Variants in COL5A2 observed in about 807,000 individuals in gnomAD.
The protein encoded by COL5A2 is collagen type V alpha 2 chain, also known as collagen alpha-2(V) chain.
COL5A2 carries 23 observed loss-of-function variants against 208.2 expected under a neutral mutation model. The ratio of observed to expected loss-of-function variants is 0.11; its 90% CI spans 0.08 to 0.16. The LOEUF is 0.16. Among genes scored for constraint, COL5A2 ranks in the 10% least tolerant of loss-of-function variants. COL5A2 has a pLI of 1.00. For missense variants in COL5A2, 1,590 were observed against 1,956.4 expected (o/e 0.81, Z 3.53); for synonymous variants, 625 against 628.5 (o/e 0.99, Z 0.08).
At chr2:189,082,906 G>A (rs1686567509) in intron 12 of COL5A2, among the ~76,000 whole-genome samples, 1 of 152,178 alleles carries the variant, frequency 6.6e-6, no homozygotes. Context: ...CAGGCTGATC[G>A]AGGAGGAAAG....
chr2:189,105,258 G>A (rs1193347667), intron 2 of COL5A2, among the ~76,000 whole-genome samples: 2 of 151,508 alleles, frequency 1.3e-5, no homozygotes, highest in Non-Finnish European at 3.0e-5. Context: ...AAAGGTATAG[G>A]CATTGGTAAC....
intron 17 of COL5A2, among the ~76,000 whole-genome samples, chr2:189,073,302 T>G (rs1245355970): frequency 6.6e-6 from 1 of 152,172 alleles, no homozygotes; most frequent in Non-Finnish European, 1.5e-5. Flanking sequence ...AATTGTTCCA[T>G]GGACTATTTA....
intron 1 of COL5A2, among the ~76,000 whole-genome samples, chr2:189,115,390 C>T (rs1327226546): frequency 1.3e-5 from 2 of 148,164 alleles, no homozygotes; most frequent in African/African-American, 5.1e-5. Flanking sequence ...TTTTTTCACA[C>T]AATTACACCT....
At chr2:189,228,404 G>A (rs1483910644), upstream of COL5A2, among the ~76,000 whole-genome samples, 3 of 151,290 alleles carry the variant, frequency 2.0e-5, no homozygotes, top group African/African-American at 4.9e-5. Context: ...ACCAACACAC[G>A]TTACACTTGA....
the COL5A2 span, among the ~76,000 whole-genome samples, chr2:189,304,473 T>C: frequency 6.6e-6 from 1 of 152,166 alleles, no homozygotes. Context: ...TTGCCCGCAT[T>C]TGCTCCTGGG....
At chr2:189,326,700 A>G in the COL5A2 span, among the ~76,000 whole-genome samples, 1 of 151,664 alleles carries the variant, frequency 6.6e-6, no homozygotes, top group Non-Finnish European at 1.5e-5. Flanking sequence ...CAAAAAAATT[A>G]TTATACCTTT....
rs1685821713 is a variant in COL5A2, at chr2:189,052,923, G to T, written c.2649C>A (p.Ser883=). ...CTTGTTAACTTACATGAGGGCCAGG[G>T]GATCCTGCTAAACCTTGTGGTCCAG... ...GSPGPQGLAG[S]PGPHGPNGVP... The change falls in exon 39 of 54, where the codon TCC becomes TCA. Residue 883 remains serine (S), a synonymous_variant. Coordinates refer to ENST00000374866, the MANE Select transcript of COL5A2 (RefSeq NM_000393.5). 6.2e-7 allele frequency: 1 copy of T among 1,613,854 alleles called. No individual in the cohort carries two copies. Among genetic ancestry groups the T allele is most frequent in the African/African-American group, 1.3e-5 (1 of 74,864 alleles).
intron 1 of COL5A2, among the ~76,000 whole-genome samples, chr2:189,205,905 C>T (rs931359230): frequency 5.3e-5 from 8 of 152,130 alleles, no homozygotes; most frequent in Non-Finnish European, 8.8e-5. Context: ...AGAACAACTT[C>T]TTATTACCCC....
At chr2:189,315,754 T>C in the COL5A2 span, among the ~76,000 whole-genome samples, 3 of 151,706 alleles carry the variant, frequency 2.0e-5, no homozygotes, top group South Asian at 4.2e-4. Context: ...AAAATTATTG[T>C]GTAAAATTAC....
intron 1 of COL5A2, among the ~76,000 whole-genome samples, chr2:189,154,714 G>C (rs1176180370): frequency 1.3e-5 from 2 of 151,528 alleles, no homozygotes; most frequent in Admixed American, 1.3e-4. Flanking sequence ...TTCCCACCTC[G>C]GCCACCCAAA....
intron 1 of COL5A2, among the ~76,000 whole-genome samples, chr2:189,213,328 T>C (rs1689239453): frequency 6.6e-6 from 1 of 152,084 alleles, no homozygotes; most frequent in African/African-American, 2.4e-5. Flanking sequence ...GTATCAAGAT[T>C]AAATGCTATA....
intron 1 of COL5A2, among the ~76,000 whole-genome samples, chr2:189,170,878 TATA>T (rs577184192): frequency 2.6e-5 from 4 of 152,106 alleles, no homozygotes; most frequent in Non-Finnish European, 5.9e-5. Context: ...GTTAATAAAT[TATA>T]ATGTCACTGG....
intron 18 of COL5A2, among the ~76,000 whole-genome samples, chr2:189,070,051 A>C (rs2105608601): frequency 6.6e-6 from 1 of 152,330 alleles, no homozygotes; most frequent in South Asian, 2.1e-4. Context: ...TTTCAAGCCA[A>C]GATAGTGAGT....
At chr2:189,403,066 T>C in the COL5A2 span, among the ~76,000 whole-genome samples, 1 of 152,204 alleles carries the variant, frequency 6.6e-6, no homozygotes, top group African/African-American at 2.4e-5. Flanking sequence ...TCCATTTGCT[T>C]GTGTCATCTC....
chr2:189,259,318 T>C, the COL5A2 span, among the ~76,000 whole-genome samples: 2 of 152,364 alleles, frequency 1.3e-5, no homozygotes, highest in East Asian at 1.9e-4. Flanking sequence ...TAGAGTCTTA[T>C]AGTAATATTC....
chr2:189,358,036 C>T, the COL5A2 span, among the ~76,000 whole-genome samples: 1 of 152,158 alleles, frequency 6.6e-6, no homozygotes, highest in Non-Finnish European at 1.5e-5. Flanking sequence ...TGCTTCAGCT[C>T]ACCCTCTGTG....
At position 189,066,508 on chromosome 2, in the gene COL5A2, C is replaced by A. The variant is rs1553515657; in HGVS notation, c.1456-11G>T. ...AATACCATGTGGCCCCTGTTAAAAACAGAAGGACAGTTACCAGAAAGACCC... is the reference window on the plus strand; with the variant it reads ...AATACCATGTGGCCCCTGTTAAAAAAAGAAGGACAGTTACCAGAAAGACCC... On this transcript the variant is annotated splice_polypyrimidine_tract_variant and intron_variant, in intron 22 of 53. Transcript: ENST00000374866. The A allele has an allele frequency of 1.2e-6, 2 of 1,613,232 alleles. No homozygotes were observed. The highest frequency in any genetic ancestry group is 1.7e-6 in the Non-Finnish European group (2 of 1,179,202).
chr2:189,432,153 A>G, the COL5A2 span, among the ~76,000 whole-genome samples: 2 of 152,204 alleles, frequency 1.3e-5, no homozygotes, highest in Non-Finnish European at 2.9e-5. Flanking sequence ...ATGCTGAGAG[A>G]TTCTGTCACC....
At chr2:189,310,451 T>C in the COL5A2 span, among the ~76,000 whole-genome samples, 7,136 of 152,098 alleles carry the variant, frequency 0.047, 319 homozygotes, top group East Asian at 0.17. Flanking sequence ...TGTAGAAAAA[T>C]AAACCCTTGT....
Sources: gnomAD v4.1 joint callset for allele counts (sites outside exome capture counted in the v4.1 genomes callset) on GRCh38, gnomAD v4.1.1 for gene constraint, MANE v1.5 for transcripts, NCBI Gene and HGNC (gene_info 2026-07-23, HGNC 2026-07-21) for gene names.